Variants in FCAMR observed in about 807,000 individuals in gnomAD.
FCAMR encodes Fc alpha and mu receptor.
Under a neutral mutation model 52.2 loss-of-function variants are expected in FCAMR, and 51 were observed. The observed-to-expected ratio is 0.98, with a 90% CI of 0.78 to 1.23. The LOEUF is 1.23. Among genes scored for constraint, FCAMR ranks in the 50% most tolerant of loss-of-function variants. The pLI is 0.00. For synonymous variants in FCAMR, 282 were observed against 262.0 expected (o/e 1.08, Z -0.74); for missense variants, 719 against 712.6 (o/e 1.01, Z -0.10).
At chr1:206,958,722 C>T in intron 7 of FCAMR, 46 bp from the exon 8 acceptor site, 1 of 1,612,862 alleles carries the variant, frequency 6.2e-7, no homozygotes. Flanking sequence ...GTAAGGACAG[C>T]ACTGACTTTG....
At position 206,958,637 on chromosome 1, in the gene FCAMR, T is replaced by G. The variant is rs1048150987; in HGVS notation, c.1613A>C (p.His538Pro). ...AERVTLIQMTHFLEVNPQADQ... is the reference protein window; with the variant it reads ...AERVTLIQMTPFLEVNPQADQ... Reference sequence around the variant, plus strand: ...TGCTTGGGGGTTCACTTCCAGAAAATGTGTCATCTGAATTAAGGTGACCCT... The same window carrying G: ...TGCTTGGGGGTTCACTTCCAGAAAAGGTGTCATCTGAATTAAGGTGACCCT... The change falls in exon 8 of 8, where the codon CAT becomes CCT. Residue 538 changes from histidine (H) to proline (P), a missense_variant. Coordinates refer to ENST00000324852, the MANE Select transcript of FCAMR (RefSeq NM_001170631.2). 6.2e-7 allele frequency: 1 copy of G among 1,613,902 alleles called. No individual in the cohort carries two copies. The highest frequency in any genetic ancestry group is 8.5e-7 in the Non-Finnish European group (1 of 1,180,030).
At chr1:206,970,051 C>A (rs1267858011) in intron 1 of FCAMR, 36 bp downstream of exon 1, 1 of 1,613,600 alleles carries the variant, frequency 6.2e-7, no homozygotes, top group East Asian at 2.2e-5. Context: ...CATTCAGAGG[C>A]AAGATCCCAA....
chr1:206,959,145 C>A (rs1162315483), intron 7 of FCAMR, among the ~76,000 whole-genome samples: 4 of 152,168 alleles, frequency 2.6e-5, no homozygotes, highest in Non-Finnish European at 5.9e-5. Flanking sequence ...CTCTGGGATG[C>A]CATTGACACG....
intron 1 of FCAMR, among the ~76,000 whole-genome samples, chr1:206,968,875 G>C (rs960176928): frequency 1.3e-5 from 2 of 152,208 alleles, no homozygotes; most frequent in African/African-American, 4.8e-5. Flanking sequence ...GCTCTGCCCA[G>C]CCCTCTCCAC....
chr1:206,965,801 GAGCCCTCCCAC>G lies in FCAMR; in HGVS notation c.216_226del (p.Trp73SerfsTer92). 1 of 1,598,042 alleles carries G rather than the reference GAGCCCTCCCAC, an allele frequency of 6.3e-7. No individual in the cohort carries two copies. Among genetic ancestry groups the G allele is most frequent in the Non-Finnish European group, 8.5e-7 (1 of 1,173,642 alleles). On this transcript the variant is annotated frameshift_variant, in exon 4 of 8. Coordinates refer to ENST00000324852, the MANE Select transcript of FCAMR (RefSeq NM_001170631.2). LOFTEE classifies it high-confidence loss of function. ...CCGGAGATGGGTCCTGGAGGGGAGA[GAGCCCTCCCAC>G]AGCCATCTCGGATGGGGTCTTTTTT...
chr1:206,963,002 A>C (rs1237102237), intron 4 of FCAMR, among the ~76,000 whole-genome samples: 1 of 152,018 alleles, frequency 6.6e-6, no homozygotes, highest in Non-Finnish European at 1.5e-5. Flanking sequence ...AAAGACAAAA[A>C]TATTCACAAT....
At chr1:206,961,940 T>C (rs1374528020) in intron 5 of FCAMR, among the ~76,000 whole-genome samples, 1 of 152,202 alleles carries the variant, frequency 6.6e-6, no homozygotes, top group Non-Finnish European at 1.5e-5. Flanking sequence ...CTTGGAGCCG[T>C]CTCCAAATAT....
In FCAMR at chr1:206,970,385, C is replaced by T. The variant is rs781161228; in HGVS notation, c.-260G>A. On this transcript the variant is annotated 5_prime_UTR_variant, in exon 1 of 8. Coordinates refer to ENST00000324852, the MANE Select transcript of FCAMR (RefSeq NM_001170631.2). ...CTTGTCATTCTTACTGTCACTTATT[C>T]CTGAAGAACTTTTCCAGGAGTGGTA... 1.0e-4 allele frequency: 46 copies of T among 442,574 alleles called. No homozygotes were observed. The highest frequency in any genetic ancestry group is 1.8e-4 in the Non-Finnish European group (44 of 248,930). The allele number at this position is 442,574 out of a possible 1,614,324, so 27.4% of individuals were successfully genotyped here.
intron 1 of FCAMR, among the ~76,000 whole-genome samples, chr1:206,968,634 C>A (rs980676067): frequency 3.3e-5 from 5 of 152,088 alleles, no homozygotes; most frequent in Non-Finnish European, 7.4e-5. Flanking sequence ...AAACCACTGG[C>A]CAGTTTGTGA....
At chr1:206,963,423 C>T (rs1413902276) in intron 4 of FCAMR, among the ~76,000 whole-genome samples, 1 of 152,170 alleles carries the variant, frequency 6.6e-6, no homozygotes, top group Non-Finnish European at 1.5e-5. Context: ...CTCTTCATAC[C>T]TTCTCCGTGG....
At chr1:206,967,544 A>G in intron 2 of FCAMR, 39 bp downstream of exon 2, 1 of 1,593,778 alleles carries the variant, frequency 6.3e-7, no homozygotes, top group Non-Finnish European at 8.6e-7. Context: ...TTTCAGGAGA[A>G]TGAAGGAATC....
intron 3 of FCAMR, among the ~76,000 whole-genome samples, chr1:206,966,346 T>G (rs1411586858): frequency 1.3e-5 from 2 of 152,214 alleles, no homozygotes; most frequent in Non-Finnish European, 2.9e-5. Context: ...GGTGTGATTT[T>G]ATCACGCAGA....
intron 6 of FCAMR, 81 bp downstream of exon 6, chr1:206,960,341 A>G: frequency 7.5e-7 from 1 of 1,329,580 alleles, no homozygotes; most frequent in Non-Finnish European, 1.0e-6. Flanking sequence ...AGAAGTGAGC[A>G]GAGGGAGAGG....
chr1:206,963,143 G>T (rs1572663488), intron 4 of FCAMR, among the ~76,000 whole-genome samples: 2 of 152,152 alleles, frequency 1.3e-5, no homozygotes, highest in South Asian at 4.1e-4. Flanking sequence ...CAAAAGACGG[G>T]GAGTCCTGAA....
intron 1 of FCAMR, among the ~76,000 whole-genome samples, 157 bp downstream of exon 1, chr1:206,969,930 C>T (rs959432880): frequency 6.6e-6 from 1 of 152,142 alleles, no homozygotes; most frequent in African/African-American, 2.4e-5. Flanking sequence ...GAGGGAGCCC[C>T]TATGTTCTGG....
chr1:206,962,613 T>C, intron 4 of FCAMR, 62 bp from the exon 5 acceptor site: 3 of 1,378,916 alleles, frequency 2.2e-6, no homozygotes, highest in Non-Finnish European at 2.9e-6. Flanking sequence ...GTTTGGGGAC[T>C]CACGAACTCT....
intron 4 of FCAMR, among the ~76,000 whole-genome samples, chr1:206,964,040 T>C (rs528934106): frequency 2.0e-5 from 3 of 152,322 alleles, no homozygotes; most frequent in South Asian, 4.1e-4. Context: ...ACAAAGGGCA[T>C]GCTTGTTGAG....
At position 206,970,451 on chromosome 1, in the gene FCAMR, C is replaced by T. The variant is rs950842434; in HGVS notation, c.-326G>A. ...AAGAAAACACTGATCCATATCCTTC[C>T]TCCTCTTGTGTCCCCTTCAGGGGTC... On this transcript the variant is annotated 5_prime_UTR_variant, in exon 1 of 8. Coordinates refer to ENST00000324852, the MANE Select transcript of FCAMR (RefSeq NM_001170631.2). 17 of 252,630 alleles carry T rather than the reference C, an allele frequency of 6.7e-5. No homozygotes were observed. The highest frequency in any genetic ancestry group is 1.3e-3 in the Middle Eastern group (1 of 760). The allele number at this position is 252,630 out of a possible 1,614,324, so 15.6% of individuals were successfully genotyped here.
At position 206,970,079 on chromosome 1, in the gene FCAMR, C is replaced by A. The variant is rs781546355; in HGVS notation, c.39+8G>T. 1 of 1,614,086 alleles carries A rather than the reference C, an allele frequency of 6.2e-7. No individual in the cohort carries two copies. Among genetic ancestry groups the A allele is most frequent in the Non-Finnish European group, 8.5e-7 (1 of 1,179,972 alleles). On this transcript the variant is annotated splice_region_variant and intron_variant, in intron 1 of 7. Transcript: ENST00000324852. ...GATCCCAACCTCCAGGAGAAAGCAT[C>A]ATTTCACCTTTTGTTCTCCAGGCTT...
Sources: allele counts gnomAD v4.1 joint callset (sites outside exome capture counted in the v4.1 genomes callset), GRCh38; gene constraint gnomAD v4.1.1; transcripts MANE v1.5; gene names NCBI Gene and HGNC (gene_info 2026-07-23, HGNC 2026-07-21).